Variants in NR5A2 observed in about 807,000 individuals in gnomAD.
The protein encoded by NR5A2 is nuclear receptor subfamily 5 group A member 2.
NR5A2 carries 26 observed loss-of-function variants against 62.7 expected under a neutral mutation model. That is an observed-to-expected ratio of 0.41 (90% confidence interval 0.30 to 0.58). The LOEUF (loss-of-function observed/expected upper bound fraction) is 0.58. Among genes scored for constraint, NR5A2 ranks in the 20% least tolerant of loss-of-function variants. NR5A2 has a pLI of 0.22. For synonymous variants in NR5A2, 246 were observed against 241.7 expected, an observed-to-expected ratio of 1.02 and a Z score of -0.16; for missense variants, 541 against 669.1, an observed-to-expected ratio of 0.81 and a Z score of 2.11.
rs71132669 is a variant in NR5A2 at position 200,133,562 on chromosome 1, CATAT to C, written c.1378+12615_1378+12618del. On this transcript the variant is annotated intron_variant, in intron 7 of 7. Coordinates refer to ENST00000367362, the MANE Select transcript of NR5A2 (RefSeq NM_205860.3). ...ATATATATATACACATATATACACA[CATAT>C]ATATATACACATATATATACACATA... Among the ~76,000 whole-genome samples the C allele has an allele frequency of 6.5e-5, 9 of 138,960 alleles. No individual in the cohort carries two copies. In the South Asian group the frequency reaches 6.6e-4, roughly 10 times the overall value. 91.2% of individuals were successfully genotyped at this position (138,960 alleles called of 152,430 possible).
At chr1:200,134,406 C>A (rs1667125138) in intron 7 of NR5A2, among the ~76,000 whole-genome samples, 1 of 152,156 alleles carries the variant, frequency 6.6e-6, no homozygotes, top group South Asian at 2.1e-4. Flanking sequence ...TTTTACTATA[C>A]CTTGTTTTCT....
intron 5 of NR5A2, among the ~76,000 whole-genome samples, chr1:200,106,534 T>C (rs75227495): frequency 0.016 from 2,391 of 152,316 alleles, 75 homozygotes; most frequent in African/African-American, 0.054. Flanking sequence ...CTTCCTTTTA[T>C]TGTAGCTGAT....
chr1:200,092,367 G>A (rs1571458968), intron 5 of NR5A2, among the ~76,000 whole-genome samples: 1 of 152,048 alleles, frequency 6.6e-6, no homozygotes, highest in South Asian at 2.1e-4. Context: ...TATTAAAAGC[G>A]AGCAAATACT....
chr1:200,042,920 T>A (rs1571704190), intron 2 of NR5A2: 1 of 985,462 alleles, frequency 1.0e-6, no homozygotes, highest in Non-Finnish European at 1.2e-6. Flanking sequence ...GCGCCGCGCG[T>A]CGTGGCGGCC....
At chr1:200,092,012 T>C (rs946177691) in intron 5 of NR5A2, among the ~76,000 whole-genome samples, 5 of 152,186 alleles carry the variant, frequency 3.3e-5, no homozygotes, top group African/African-American at 1.2e-4. Flanking sequence ...TGGATCACTG[T>C]GTATTTTAAC....
At chr1:200,079,962 C>T (rs978957107) in intron 5 of NR5A2, among the ~76,000 whole-genome samples, 12 of 152,122 alleles carry the variant, frequency 7.9e-5, no homozygotes, top group African/African-American at 2.9e-4. Context: ...ATTTGGGTTT[C>T]AAAAAGTTGC....
At chr1:200,064,321 C>A (rs985074986) in intron 5 of NR5A2, among the ~76,000 whole-genome samples, 1 of 152,108 alleles carries the variant, frequency 6.6e-6, no homozygotes, top group Non-Finnish European at 1.5e-5. Flanking sequence ...CACTAATAAC[C>A]CCAGCCCTGT....
At chr1:200,053,569 G>GCGCACACACACACACACACA (rs374944913) in intron 5 of NR5A2, among the ~76,000 whole-genome samples, 4 of 141,994 alleles carry the variant, frequency 2.8e-5, no homozygotes, top group Admixed American at 7.1e-5. Context: ...GCATGCACAC[G>GCGCACACACACACACACACA]CACACACACA....
At chr1:200,099,228 T>C (rs1172051284) in intron 5 of NR5A2, among the ~76,000 whole-genome samples, 1 of 152,250 alleles carries the variant, frequency 6.6e-6, no homozygotes, top group South Asian at 2.1e-4. Context: ...ATTTCGGTTG[T>C]ACTTTTGGTG....
At position 200,147,021 on chromosome 1, in the gene NR5A2, C is replaced by G. The variant is rs1442464499; in HGVS notation, c.1378+26066C>G. Reference sequence around the variant, plus strand: ...CACTGAAACCAATAAAAGAGTTGAACACAGCAAAACTTGGAACAACAAGGA... The same window carrying G: ...CACTGAAACCAATAAAAGAGTTGAAGACAGCAAAACTTGGAACAACAAGGA... On this transcript the variant is annotated intron_variant, in intron 7 of 7. Transcript: ENST00000367362. The surrounding 1 kb of genome is among the most constrained non-coding windows in gnomAD (Gnocchi z 4.9). Among the ~76,000 whole-genome samples the G allele has an allele frequency of 6.7e-6, 1 of 150,288 alleles. No individual in the cohort carries two copies. The highest frequency in any genetic ancestry group is 1.5e-5 in the Non-Finnish European group (1 of 67,794).
chr1:200,102,418 C>T (rs1000067047), intron 5 of NR5A2, among the ~76,000 whole-genome samples: 5 of 152,146 alleles, frequency 3.3e-5, no homozygotes, highest in African/African-American at 1.2e-4. Flanking sequence ...CTGGATTGAG[C>T]TGTTCAAGAA....
chr1:200,171,717 A>G (rs1044622135), intron 7 of NR5A2, among the ~76,000 whole-genome samples: 1 of 152,170 alleles, frequency 6.6e-6, no homozygotes, highest in East Asian at 1.9e-4. Context: ...CCACTGCACT[A>G]CAGCCTGGCA....
intron 5 of NR5A2, among the ~76,000 whole-genome samples, chr1:200,075,153 G>A (rs939610417): frequency 1.3e-5 from 2 of 152,134 alleles, no homozygotes; most frequent in Admixed American, 1.3e-4. Flanking sequence ...CCTATTTTGT[G>A]TGATGCCAAA....
chr1:200,052,737 G>A (rs1662699005), intron 5 of NR5A2, among the ~76,000 whole-genome samples: 5 of 152,042 alleles, frequency 3.3e-5, no homozygotes, highest in South Asian at 2.1e-4. Flanking sequence ...CGCCTCTTGG[G>A]TTCACGCCAT....
chr1:200,052,142 G>A (rs1662662222), intron 5 of NR5A2, among the ~76,000 whole-genome samples: 1 of 152,128 alleles, frequency 6.6e-6, no homozygotes, highest in African/African-American at 2.4e-5. Context: ...AAAACTTGCT[G>A]CTCTAGAGGA....
At chr1:200,043,217 G>C (rs1662200811) in intron 2 of NR5A2, among the ~76,000 whole-genome samples, 1 of 152,216 alleles carries the variant, frequency 6.6e-6, no homozygotes, top group African/African-American at 2.4e-5. Context: ...TCTGAAAGTT[G>C]GGAGCCTCAG....
intron 5 of NR5A2, among the ~76,000 whole-genome samples, chr1:200,072,434 TCA>T (rs1663780029): frequency 6.6e-6 from 1 of 152,160 alleles, no homozygotes; most frequent in Non-Finnish European, 1.5e-5. Flanking sequence ...ATGATTTACC[TCA>T]TAATGTGACA....
Position 200,029,435 on chromosome 1 carries a change from A to T in NR5A2, c.64+1524A>T, listed in dbSNP as rs2102129741. 2.0e-5 allele frequency: 3 copies of T among 148,756 alleles called. No homozygotes were observed. In the Middle Eastern group the frequency reaches 0.01, roughly 503 times the overall value. 9.2% of individuals were successfully genotyped at this position (148,756 alleles called of 1,614,324 possible). ...GTTGCACTTTTCTCTGCAACCCTGG[A>T]AGAACTGTGTTTCCAGCTACCGCAC... On this transcript the variant is annotated intron_variant, in intron 1 of 7. Transcript: ENST00000367362.
intron 7 of NR5A2, among the ~76,000 whole-genome samples, chr1:200,146,553 CAT>C (rs1558167084): frequency 6.6e-6 from 1 of 152,170 alleles, no homozygotes; most frequent in African/African-American, 2.4e-5. Context: ...CAACTGAAGA[CAT>C]ATTTAAGATC....
Sources: allele counts gnomAD v4.1 joint callset (sites outside exome capture counted in the v4.1 genomes callset), GRCh38; gene constraint gnomAD v4.1.1; non-coding constraint Gnocchi (gnomAD v3.1); transcripts MANE v1.5; gene names NCBI Gene and HGNC (gene_info 2026-07-23, HGNC 2026-07-21).